OR9Q1: variants seen among roughly 807,000 people sequenced by gnomAD.
The protein encoded by OR9Q1 is olfactory receptor family 9 subfamily Q member 1.
For synonymous variants in OR9Q1, 153 were observed against 148.6 expected (o/e 1.03, Z -0.22); for missense variants, 374 against 378.8 (o/e 0.99, Z 0.11).
intron 1 of OR9Q1, among the ~76,000 whole-genome samples, chr11:58,026,529 A>C (rs912429984): frequency 6.6e-6 from 1 of 151,866 alleles, no homozygotes; most frequent in Non-Finnish European, 1.5e-5. Context: ...TAAAAATACA[A>C]AAATTAGCTG....
At chr11:58,078,168 AAAC>A (rs1853556869) in intron 2 of OR9Q1, 1 of 152,308 alleles carries the variant, frequency 6.6e-6, no homozygotes. Flanking sequence ...TGAAAAAGAA[AAAC>A]AACAACGACG....
At chr11:58,034,161 C>A (rs982974057) in intron 1 of OR9Q1, among the ~76,000 whole-genome samples, 5 of 145,290 alleles carry the variant, frequency 3.4e-5, no homozygotes, top group African/African-American at 1.3e-4. Flanking sequence ...TCTCGGCTCA[C>A]TGCAAGCTCC....
chr11:58,143,363 C>T (rs1463689026), intron 2 of OR9Q1, among the ~76,000 whole-genome samples: 1 of 152,116 alleles, frequency 6.6e-6, no homozygotes, highest in Non-Finnish European at 1.5e-5. Context: ...ATTTCAAAGC[C>T]CATGTCTTTT....
chr11:58,091,312 TG>T (rs1174720152), intron 2 of OR9Q1, among the ~76,000 whole-genome samples: 1 of 152,212 alleles, frequency 6.6e-6, no homozygotes, highest in Non-Finnish European at 1.5e-5. Flanking sequence ...AACACTAATT[TG>T]GCTGTGTTCC....
chr11:58,179,898 G>GGTCTCATCAGTGCCTTGGTGCGGACA lies in OR9Q1; in HGVS notation c.461_486dup (p.Ala163SerfsTer32). The GGTCTCATCAGTGCCTTGGTGCGGACA allele has an allele frequency of 6.2e-7, 1 of 1,614,140 alleles. No individual in the cohort carries two copies. The highest frequency in any genetic ancestry group is 8.5e-7 in the Non-Finnish European group (1 of 1,180,022). On this transcript the variant is annotated frameshift_variant, in exon 3 of 3. Coordinates refer to ENST00000335397, the MANE Select transcript of OR9Q1 (RefSeq NM_001005212.4). LOFTEE classifies it high-confidence loss of function. ...TCTTGTGGCTGGGGCTTACGTTGCT[G>GGTCTCATCAGTGCCTTGGTGCGGACA]GTCTCATCAGTGCCTTGGTGCGGAC...
In OR9Q1 at chr11:58,118,805, T is replaced by C. The variant is rs759395726; in HGVS notation, c.-14-60626T>C. 4 of 1,614,100 alleles carry C rather than the reference T, an allele frequency of 2.5e-6. No homozygotes were observed. The South Asian group carries it at 4.4e-5, about 18-fold the overall frequency. On this transcript the variant is annotated intron_variant, in intron 2 of 2. Coordinates refer to ENST00000335397, the MANE Select transcript of OR9Q1 (RefSeq NM_001005212.4). ...ATGATGAGCAGATAGGAAATCAGGA[T>C]GACGGAGGCATTGGCCAAAATCACA...
Position 58,180,455 on chromosome 11 carries a change from T to C in OR9Q1, c.*78T>C, listed in dbSNP as rs1334309706. 1 of 855,730 alleles carries C rather than the reference T, an allele frequency of 1.2e-6. No individual in the cohort carries two copies. The highest frequency in any genetic ancestry group is 1.7e-5 in the African/African-American group (1 of 59,028). 53.0% of individuals were successfully genotyped at this position (855,730 alleles called of 1,614,324 possible). On this transcript the variant is annotated 3_prime_UTR_variant, in exon 3 of 3. Coordinates refer to ENST00000335397, the MANE Select transcript of OR9Q1 (RefSeq NM_001005212.4). The stretch of plus-strand genomic sequence containing the variant: ...TTCTGGACGCTCATTATTTATAGCA[T>C]GCTCAATGTTTAAATGAATATATTA...
At chr11:58,162,066 C>A (rs985301887) in intron 2 of OR9Q1, among the ~76,000 whole-genome samples, 9 of 152,162 alleles carry the variant, frequency 5.9e-5, no homozygotes, top group African/African-American at 2.2e-4. Flanking sequence ...TTACTCATGC[C>A]ATTCCTGTGT....
intron 1 of OR9Q1, among the ~76,000 whole-genome samples, chr11:58,034,065 C>A: frequency 7.0e-6 from 1 of 143,726 alleles, no homozygotes; most frequent in Non-Finnish European, 1.5e-5. Context: ...AAATCCAGCT[C>A]AGCACTTGCT....
intron 2 of OR9Q1, among the ~76,000 whole-genome samples, chr11:58,135,511 A>T (rs979972055): frequency 6.6e-6 from 1 of 152,098 alleles, no homozygotes; most frequent in African/African-American, 2.4e-5. Context: ...TTCTTCTTTA[A>T]GTCAGCACAA....
At chr11:58,141,119 AT>A (rs1045642680) in intron 2 of OR9Q1, among the ~76,000 whole-genome samples, 92 of 152,240 alleles carry the variant, frequency 6.0e-4, no homozygotes, top group African/African-American at 2.2e-3. Flanking sequence ...AACGCTTGTG[AT>A]TTTTGCACAT....
chr11:58,145,799 C>T (rs1160134397), intron 2 of OR9Q1, among the ~76,000 whole-genome samples: 1 of 152,016 alleles, frequency 6.6e-6, no homozygotes. Context: ...CTATTAAGCT[C>T]ATTTTTGTGC....
intron 1 of OR9Q1, among the ~76,000 whole-genome samples, chr11:58,046,934 A>C (rs1461684943): frequency 6.6e-6 from 1 of 152,160 alleles, no homozygotes; most frequent in Admixed American, 6.5e-5. Context: ...GAAAGGACTA[A>C]TGGGATTCCA....
At chr11:58,163,099 C>G (rs1181652701) in intron 2 of OR9Q1, among the ~76,000 whole-genome samples, 1 of 152,074 alleles carries the variant, frequency 6.6e-6, no homozygotes, top group African/African-American at 2.4e-5. Flanking sequence ...GAAAATGAAG[C>G]CAGGGTCAGA....
At chr11:58,139,000 TAAAG>T (rs1017696262) in intron 2 of OR9Q1, among the ~76,000 whole-genome samples, 1 of 150,902 alleles carries the variant, frequency 6.6e-6, no homozygotes, top group African/African-American at 2.4e-5. Context: ...TAGAGTAAGC[TAAAG>T]AAAGAGGGGA....
chr11:58,171,603 G>A (rs543623551), intron 2 of OR9Q1: 20 of 152,310 alleles, frequency 1.3e-4, no homozygotes, highest in Admixed American at 1.2e-3. Context: ...ACAGGGGAGA[G>A]GGCCGTGACC....
At chr11:58,034,400 T>C (rs967106737) in intron 1 of OR9Q1, among the ~76,000 whole-genome samples, 2 of 152,238 alleles carry the variant, frequency 1.3e-5, no homozygotes, top group African/African-American at 4.8e-5. Context: ...ACTTGCTTTT[T>C]TAATTGCCTG....
chr11:58,053,464 G>T (rs1299221548), intron 1 of OR9Q1, among the ~76,000 whole-genome samples: 54 of 83,870 alleles, frequency 6.4e-4, no homozygotes, highest in Admixed American at 2.1e-3. Context: ...GGGGGGAGGG[G>T]GGAGGGATAG....
chr11:58,170,353 T>C (rs1237609384), intron 2 of OR9Q1, among the ~76,000 whole-genome samples: 3 of 152,078 alleles, frequency 2.0e-5, no homozygotes, highest in Non-Finnish European at 4.4e-5. Flanking sequence ...AGAAAACAAC[T>C]CTTTATCATA....
Sources: gnomAD v4.1 joint callset for allele counts (sites outside exome capture counted in the v4.1 genomes callset) on GRCh38, gnomAD v4.1.1 for gene constraint, MANE v1.5 for transcripts, NCBI Gene and HGNC (gene_info 2026-07-23, HGNC 2026-07-21) for gene names.